Variants in SP4 observed in about 807,000 individuals in gnomAD.
SP4 encodes the protein Sp4 transcription factor.
In SP4, 19 loss-of-function variants were observed where a neutral mutation model predicts 72.8. The ratio of observed to expected loss-of-function variants is 0.26; its 90% CI spans 0.18 to 0.38. The LOEUF (loss-of-function observed/expected upper bound fraction) is 0.38, where lower values mean the gene tolerates loss of function less well. Among genes scored for constraint, SP4 ranks in the 10% least tolerant of loss-of-function variants. The pLI is 1.00. For synonymous variants in SP4, 395 were observed against 333.1 expected (o/e 1.19, Z -2.02); for missense variants, 1,008 against 926.3 (o/e 1.09, Z -1.14).
intron 5 of SP4, chr7:21,482,712 C>T: frequency 1.0e-6 from 1 of 976,004 alleles, no homozygotes; most frequent in Non-Finnish European, 1.2e-6. Context: ...ACTTTTAATA[C>T]TCTGACATAT....
intron 4 of SP4, among the ~76,000 whole-genome samples, chr7:21,481,514 G>A (rs1339563988): frequency 1.3e-5 from 2 of 152,098 alleles, no homozygotes; most frequent in Non-Finnish European, 2.9e-5. Context: ...TTTTCACTGG[G>A]AAACAGATCC....
At chr7:21,457,678 C>G (rs1027076761) in intron 3 of SP4, among the ~76,000 whole-genome samples, 1 of 151,952 alleles carries the variant, frequency 6.6e-6, no homozygotes, top group Non-Finnish European at 1.5e-5. Flanking sequence ...AAGAAACCAA[C>G]AACATAGCAA....
Position 21,511,003 on chromosome 7 carries a change from T to C in SP4, c.2108-19T>C. The C allele has an allele frequency of 1.9e-6, 3 of 1,586,542 alleles. No individual in the cohort carries two copies. Among genetic ancestry groups the C allele is most frequent in the Non-Finnish European group, 1.7e-6 (2 of 1,164,996 alleles). Reference sequence around the variant, plus strand: ...TTAAGCAAAATGTGTATAACGCCATTTACTGTTTTTCTATGTAGGTGAAAA... The same window carrying C: ...TTAAGCAAAATGTGTATAACGCCATCTACTGTTTTTCTATGTAGGTGAAAA... On this transcript the variant is annotated intron_variant, in intron 5 of 5. Coordinates refer to ENST00000222584, the MANE Select transcript of SP4 (RefSeq NM_003112.5).
chr7:21,500,666 CT>C (rs1000498786), intron 5 of SP4, among the ~76,000 whole-genome samples: 1 of 152,166 alleles, frequency 6.6e-6, no homozygotes, highest in African/African-American at 2.4e-5. Context: ...GCCCACACTC[CT>C]TCTCATACTG....
In SP4 at chr7:21,511,413, A is replaced by C; in HGVS notation, c.*144A>C. 1 of 812,380 alleles carries C rather than the reference A, an allele frequency of 1.2e-6. No individual in the cohort carries two copies. Among genetic ancestry groups the C allele is most frequent in the Non-Finnish European group, 1.9e-6 (1 of 526,280 alleles). 50.3% of individuals were successfully genotyped at this position (812,380 alleles called of 1,614,324 possible). On this transcript the variant is annotated 3_prime_UTR_variant, in exon 6 of 6. Transcript: ENST00000222584. The stretch of plus-strand genomic sequence containing the variant: ...TTTAAGTATTCCAGGGTTTGGGGTC[A>C]ACACGTGAAGTGTTGAATTTTAAAA...
chr7:21,464,004 A>G (rs1401416409), intron 3 of SP4, among the ~76,000 whole-genome samples: 1 of 152,222 alleles, frequency 6.6e-6, no homozygotes, highest in Non-Finnish European at 1.5e-5. Context: ...TAAGATATGT[A>G]AAGTACTTTG....
intron 3 of SP4, among the ~76,000 whole-genome samples, chr7:21,468,485 A>G (rs1784235520): frequency 6.6e-6 from 1 of 150,962 alleles, no homozygotes; most frequent in East Asian, 1.9e-4. Context: ...GATTTCTCAG[A>G]TATTTGTGGT....
At chr7:21,481,228 A>C (rs1161391019) in intron 4 of SP4, among the ~76,000 whole-genome samples, 3 of 152,206 alleles carry the variant, frequency 2.0e-5, no homozygotes, top group African/African-American at 7.2e-5. Flanking sequence ...GTAAGATAAG[A>C]AATGCAGACA....
In SP4 at chr7:21,429,654, ACAGTACC is replaced by A. The variant is rs750198467; in HGVS notation, c.490_496del (p.Gln164LysfsTer2). The A allele has an allele frequency of 6.2e-7, 1 of 1,614,028 alleles. No individual in the cohort carries two copies. Among genetic ancestry groups the A allele is most frequent in the Non-Finnish European group, 8.5e-7 (1 of 1,179,972 alleles). ...AAGTACAAAATCCAAGTGGTAGTGT[ACAGTACC>A]AAGTAATTCCACAACTTCAGACAGT... On this transcript the variant is annotated frameshift_variant, in exon 3 of 6. Transcript: ENST00000222584. LOFTEE classifies it high-confidence loss of function.
intron 3 of SP4, among the ~76,000 whole-genome samples, chr7:21,434,723 G>A (rs1782989370): frequency 6.6e-6 from 1 of 151,952 alleles, no homozygotes; most frequent in Admixed American, 6.6e-5. Context: ...AGTGAACCTT[G>A]TACCCAACAG....
intron 5 of SP4, among the ~76,000 whole-genome samples, chr7:21,500,107 A>G (rs143637026): frequency 6.6e-6 from 1 of 152,340 alleles, no homozygotes; most frequent in Non-Finnish European, 1.5e-5. Flanking sequence ...GTGATAAAGC[A>G]TGGTATTCTC....
At chr7:21,485,429 C>G (rs1784787387) in intron 5 of SP4, among the ~76,000 whole-genome samples, 1 of 151,880 alleles carries the variant, frequency 6.6e-6, no homozygotes, top group South Asian at 2.1e-4. Context: ...GCTCTTTGCC[C>G]CACCCCATCC....
At chr7:21,504,686 AT>A (rs967914379) in intron 5 of SP4, among the ~76,000 whole-genome samples, 7 of 152,068 alleles carry the variant, frequency 4.6e-5, no homozygotes, top group Non-Finnish European at 7.4e-5. Context: ...CAAGCAAATA[AT>A]TTTTTTTCTT....
chr7:21,442,758 C>T (rs541149845), intron 3 of SP4, among the ~76,000 whole-genome samples: 6 of 152,290 alleles, frequency 3.9e-5, no homozygotes, highest in South Asian at 2.1e-4. Flanking sequence ...GTTTTTGAGA[C>T]GGAGTCCCAC....
intron 4 of SP4, among the ~76,000 whole-genome samples, chr7:21,480,539 G>A (rs1253732669): frequency 1.3e-5 from 2 of 152,122 alleles, no homozygotes; most frequent in African/African-American, 4.8e-5. Flanking sequence ...GTATTCCTTT[G>A]TAATCCTTTT....
chr7:21,491,795 G>C (rs1032966123), intron 5 of SP4, among the ~76,000 whole-genome samples: 1 of 152,098 alleles, frequency 6.6e-6, no homozygotes, highest in African/African-American at 2.4e-5. Context: ...AAACAGTATA[G>C]TAACAAGAGC....
Position 21,429,879 on chromosome 7 carries a change from A to G in SP4, c.714A>G (p.Ser238=), listed in dbSNP as rs778694234. The G allele has an allele frequency of 1.2e-6, 2 of 1,614,136 alleles. No homozygotes were observed. The highest frequency in any genetic ancestry group is 8.5e-7 in the Non-Finnish European group (1 of 1,179,968). ...CGGTCCAAATTAGACCTGGTGTTTCAATACCACTGCAGTTACAGACTCTTC... is the reference window on the plus strand; with the variant it reads ...CGGTCCAAATTAGACCTGGTGTTTCGATACCACTGCAGTTACAGACTCTTC... ...TVPVQIRPGV[S]IPLQLQTLPG... Residue 238 remains serine (S), a synonymous_variant, in exon 3 of 6, where the codon TCA becomes TCG. Coordinates refer to ENST00000222584, the MANE Select transcript of SP4 (RefSeq NM_003112.5).
At chr7:21,455,278 T>G (rs574440184) in intron 3 of SP4, among the ~76,000 whole-genome samples, 1 of 152,214 alleles carries the variant, frequency 6.6e-6, no homozygotes, top group East Asian at 1.9e-4. Flanking sequence ...TGCAATTAAC[T>G]GAAGGAGTAG....
intron 3 of SP4, among the ~76,000 whole-genome samples, chr7:21,454,900 GCCCCCATTACCTGACA>G (rs1783715256): frequency 6.6e-6 from 1 of 152,184 alleles, no homozygotes; most frequent in South Asian, 2.1e-4. Context: ...GGTGCCATAC[GCCCCCATTACCTGACA>G]GGATTTGGAG....
Sources: gnomAD v4.1 joint callset for allele counts (sites outside exome capture counted in the v4.1 genomes callset) on GRCh38, gnomAD v4.1.1 for gene constraint, MANE v1.5 for transcripts, NCBI Gene and HGNC (gene_info 2026-07-23, HGNC 2026-07-21) for gene names.